CCNH: variants seen among roughly 807,000 people sequenced by gnomAD.
CCNH encodes cyclin-H.
CCNH carries 31 observed loss-of-function variants against 41.9 expected under a neutral mutation model. The observed-to-expected ratio is 0.74, with a 90% CI of 0.56 to 1.00. The LOEUF (loss-of-function observed/expected upper bound fraction) is 1.00. Among genes scored for constraint, CCNH ranks in the 50% least tolerant of loss-of-function variants. The pLI is 0.00. For missense variants in CCNH, 362 were observed against 388.4 expected (o/e 0.93, Z 0.57); for synonymous variants, 138 against 136.1 (o/e 1.01, Z -0.10).
chr5:87,365,916 AAT>A lies in CCNH; in HGVS notation c.*90+26852_*90+26853del, dbSNP rs770924658. 4.7e-4 allele frequency among the ~76,000 whole-genome samples: 71 copies of A among 152,242 alleles called. 2 individuals are homozygous for A. The highest frequency in any genetic ancestry group is 6.8e-3 in the Middle Eastern group (2 of 294). On this transcript the variant is annotated intron_variant and NMD_transcript_variant, in intron 9 of 9. Transcript: ENST00000645953. ...TGTAGACCTGAATTCCATATTAAAT[AAT>A]ATAATGAAATGGAGGCTGTAATAAA...
At chr5:87,350,606 T>C (rs1759192195) in intron 9 of CCNH, among the ~76,000 whole-genome samples, 2 of 151,582 alleles carry the variant, frequency 1.3e-5, no homozygotes, top group African/African-American at 4.8e-5. Flanking sequence ...CGGTAAAACA[T>C]GTAAAGGTAG....
chr5:87,388,806 T>C (rs1470400904), downstream of CCNH, among the ~76,000 whole-genome samples: 1 of 152,150 alleles, frequency 6.6e-6, no homozygotes, highest in African/African-American at 2.4e-5. Flanking sequence ...AATAATGAAA[T>C]TTCATCTAGG....
chr5:87,405,032 A>G, intron 4 of CCNH, 25 bp from the exon 5 acceptor site: 1 of 1,581,192 alleles, frequency 6.3e-7, no homozygotes, highest in Non-Finnish European at 8.6e-7. Context: ...TGCAAATGTT[A>G]CCATTTCTGA....
At chr5:87,405,971 T>C (rs577257283) in intron 4 of CCNH, among the ~76,000 whole-genome samples, 1 of 152,166 alleles carries the variant, frequency 6.6e-6, no homozygotes, top group Non-Finnish European at 1.5e-5. Context: ...AGCAAGGCTC[T>C]TAAACACTGC....
intron 9 of CCNH, among the ~76,000 whole-genome samples, chr5:87,358,097 A>G (rs538107808): frequency 4.6e-5 from 7 of 152,196 alleles, no homozygotes; most frequent in Non-Finnish European, 8.8e-5. Flanking sequence ...TTGATTAGTT[A>G]GCAAATCACC....
chr5:87,361,819 T>C (rs1203380398), intron 9 of CCNH, among the ~76,000 whole-genome samples: 1 of 152,098 alleles, frequency 6.6e-6, no homozygotes, highest in African/African-American at 2.4e-5. Context: ...AAGAACCTAA[T>C]ATAAATATGT....
At chr5:87,371,145 A>G (rs1760909252) in intron 9 of CCNH, among the ~76,000 whole-genome samples, 1 of 152,140 alleles carries the variant, frequency 6.6e-6, no homozygotes, top group South Asian at 2.1e-4. Flanking sequence ...CCATAATGAC[A>G]TTTCAGCATG....
At chr5:87,328,249 C>T (rs1297147303) in intron 9 of CCNH, among the ~76,000 whole-genome samples, 2 of 152,118 alleles carry the variant, frequency 1.3e-5, no homozygotes, top group Non-Finnish European at 2.9e-5. Context: ...TCATGTTACA[C>T]TCAGAGTATT....
At position 87,324,605 on chromosome 5, in the gene CCNH, C is replaced by T. The variant is rs1035459017; in HGVS notation, c.*91-5708G>A. On this transcript the variant is annotated intron_variant and NMD_transcript_variant, in intron 9 of 9. Transcript: ENST00000645953. ...AAAGGAAACAGCATTTCTGCCCTTA[C>T]TTTGAACTAACTTGATCTGAGATAA... is the stretch of plus-strand genomic sequence containing the variant. 4.6e-5 allele frequency among the ~76,000 whole-genome samples: 7 copies of T among 152,170 alleles called. No homozygotes were observed. The East Asian group carries it at 1.3e-3, about 29-fold the overall frequency.
rs538616106 is a variant in CCNH at position 87,405,297 on chromosome 5, T to C, written c.526-290A>G. Among the ~76,000 whole-genome samples, 5 of 152,292 alleles carry C rather than the reference T, an allele frequency of 3.3e-5. No homozygotes were observed. The East Asian group carries it at 7.7e-4, about 24-fold the overall frequency. On this transcript the variant is annotated intron_variant, in intron 4 of 8. Coordinates refer to ENST00000256897, the MANE Select transcript of CCNH (RefSeq NM_001239.4). The stretch of plus-strand genomic sequence containing the variant: ...GCTTCTCTCAGGCAACCCAGGTGAT[T>C]CAAATGTAAGGCCACATGTAGGAAT...
In CCNH at chr5:87,412,909, G is replaced by C; in HGVS notation, c.-115C>G. On this transcript the variant is annotated 5_prime_UTR_variant, in exon 1 of 9. Coordinates refer to ENST00000256897, the MANE Select transcript of CCNH (RefSeq NM_001239.4). ...GATCTCGCGGAAGCCTAGGGCGTCC[G>C]GCTAGCCGGCGCTGGCGCGCTGTCG... 3.4e-6 allele frequency: 5 copies of C among 1,481,722 alleles called. No homozygotes were observed. Among genetic ancestry groups the C allele is most frequent in the East Asian group, 4.7e-5 (2 of 42,338 alleles). 91.8% of individuals were successfully genotyped at this position (1,481,722 alleles called of 1,614,324 possible).
At chr5:87,383,714 G>A (rs748222763) in intron 9 of CCNH, 1 of 1,607,028 alleles carries the variant, frequency 6.2e-7, no homozygotes. Context: ...CCCATTCAGT[G>A]GTTTTGTTTT....
At chr5:87,392,120 A>C (rs769740618), downstream of CCNH, 8 of 383,218 alleles carry the variant, frequency 2.1e-5, no homozygotes, top group Middle Eastern at 7.3e-4. Context: ...CAGGGCAGAT[A>C]GATAGGACAT....
intron 1 of CCNH, 142 bp downstream of exon 1, chr5:87,412,536 G>A (rs2112589197): frequency 6.9e-7 from 1 of 1,451,952 alleles, no homozygotes; most frequent in East Asian, 2.5e-5. Flanking sequence ...CAAGGTGCTC[G>A]CTTATTTTGA....
chr5:87,381,018 C>T (rs971020400), upstream of CCNH, among the ~76,000 whole-genome samples: 5 of 152,152 alleles, frequency 3.3e-5, no homozygotes, highest in African/African-American at 1.2e-4. Context: ...ACATGTAGTT[C>T]TGAAGCTGTG....
intron 5 of CCNH, among the ~76,000 whole-genome samples, chr5:87,403,615 C>CA (rs1000084742): frequency 2.0e-5 from 3 of 151,368 alleles, no homozygotes; most frequent in African/African-American, 7.3e-5. Context: ...CCCAACTCTA[C>CA]AAAAAAAACA....
chr5:87,311,776 C>T, the CCNH span, among the ~76,000 whole-genome samples: 3 of 152,156 alleles, frequency 2.0e-5, no homozygotes, highest in Admixed American at 2.0e-4. Flanking sequence ...TGTTTGACTC[C>T]AGAGGTCAGA....
intron 9 of CCNH, among the ~76,000 whole-genome samples, chr5:87,342,597 A>G (rs996806749): frequency 6.6e-6 from 1 of 152,190 alleles, no homozygotes; most frequent in African/African-American, 2.4e-5. Flanking sequence ...GTTGCTAGAG[A>G]TCAAGGTACA....
In CCNH at chr5:87,407,983, T is replaced by A. The variant is rs1763921433; in HGVS notation, c.518A>T (p.Asp173Val). 1 of 1,607,428 alleles carries A rather than the reference T, an allele frequency of 6.2e-7. No homozygotes were observed. Among genetic ancestry groups the A allele is most frequent in the South Asian group, 1.1e-5 (1 of 90,938 alleles). ...PYRPFEGFLI[D>V]LKTRYPILEN... ...ATTTTACATCAAGTTTACCTTTAAG[T>A]CGATGAGGAAGCCCTCAAATGGTCT... is the stretch of plus-strand genomic sequence containing the variant. Residue 173 changes from aspartate (D) to valine (V), a missense_variant, in exon 4 of 9, where the codon GAC becomes GTC. By Grantham distance (152) the Asp-to-Val change is radical. Transcript: ENST00000256897.
Sources: gnomAD v4.1 joint callset for allele counts (sites outside exome capture counted in the v4.1 genomes callset) on GRCh38, gnomAD v4.1.1 for gene constraint, MANE v1.5 for transcripts, NCBI Gene and HGNC (gene_info 2026-07-23, HGNC 2026-07-21) for gene names.